Variants in MCF2L2 observed in about 807,000 individuals in gnomAD.
MCF2L2 encodes the protein MCF.2 cell line derived transforming sequence-like 2, also known as probable guanine nucleotide exchange factor MCF2L2.
Under a neutral mutation model 150.2 loss-of-function variants are expected in MCF2L2, and 102 were observed. The observed-to-expected ratio is 0.68, with a 90% CI of 0.58 to 0.80. The LOEUF (loss-of-function observed/expected upper bound fraction) is 0.80, where lower values mean the gene tolerates loss of function less well. MCF2L2 is among the 30% of genes least tolerant of loss of function. The pLI is 0.00. For synonymous variants in MCF2L2, 465 were observed against 491.3 expected (o/e 0.95, Z 0.71); for missense variants, 1,256 against 1,372.8 (o/e 0.91, Z 1.34).
At chr3:183,291,351 C>T (rs932009394) in intron 13 of MCF2L2, among the ~76,000 whole-genome samples, 1 of 152,212 alleles carries the variant, frequency 6.6e-6, no homozygotes, top group Non-Finnish European at 1.5e-5. Flanking sequence ...TTACCTTTTT[C>T]ATCTGTAAAG....
intron 13 of MCF2L2, 45 bp from the exon 14 acceptor site, chr3:183,289,265 T>C: frequency 1.5e-6 from 2 of 1,294,488 alleles, no homozygotes; most frequent in South Asian, 1.2e-5. Context: ...TTATAAACTA[T>C]AACTCAGTGC....
intron 15 of MCF2L2, among the ~76,000 whole-genome samples, chr3:183,252,024 T>C (rs567904602): frequency 1.3e-4 from 20 of 149,458 alleles, no homozygotes; most frequent in South Asian, 1.3e-3. Context: ...TGTGAATATG[T>C]GATTTGTATG....
chr3:183,277,256 G>A (rs755718520), intron 14 of MCF2L2, among the ~76,000 whole-genome samples: 1 of 150,636 alleles, frequency 6.6e-6, no homozygotes, highest in Non-Finnish European at 1.5e-5. Flanking sequence ...AGAATTGCTC[G>A]AACCTGGGAG....
Position 183,310,929 on chromosome 3 carries a change from G to A in MCF2L2, c.979C>T (p.His327Tyr). ...NQCLQLQHFE[H>Y]DFCKAKLALD... is the part of the protein sequence containing the mutation. ...GAAAAGAATACCTTACAAAAATCGT[G>A]CTCAAAATGCTGTAGTTGTAGGCAC... is the stretch of plus-strand genomic sequence containing the variant. Residue 327 changes from histidine to tyrosine, a missense_variant, in exon 9 of 30, where the codon CAC becomes TAC. Transcript: ENST00000328913. The A allele has an allele frequency of 6.2e-7, 1 of 1,612,086 alleles. No individual in the cohort carries two copies. The highest frequency in any genetic ancestry group is 1.1e-5 in the South Asian group (1 of 90,850).
intron 22 of MCF2L2, among the ~76,000 whole-genome samples, chr3:183,213,226 A>C (rs1377143227): frequency 1.3e-5 from 2 of 150,202 alleles, no homozygotes; most frequent in African/African-American, 4.9e-5. Flanking sequence ...ATTTAAATGC[A>C]TCTCTAATAT....
At chr3:183,380,818 T>C (rs545073580) in intron 2 of MCF2L2, among the ~76,000 whole-genome samples, 1 of 152,286 alleles carries the variant, frequency 6.6e-6, no homozygotes, top group Non-Finnish European at 1.5e-5. Flanking sequence ...AGTGTGCAAA[T>C]CAATGTGGAA....
intron 3 of MCF2L2, among the ~76,000 whole-genome samples, chr3:183,363,972 T>A (rs11923471): frequency 6.6e-6 from 1 of 151,924 alleles, no homozygotes; most frequent in Non-Finnish European, 1.5e-5. Flanking sequence ...TGCTTGAAAA[T>A]TTTAAAAATT....
chr3:183,248,306 T>G (rs6775548), intron 15 of MCF2L2, among the ~76,000 whole-genome samples: 17,920 of 152,136 alleles, frequency 0.12, 3,041 homozygotes, highest in African/African-American at 0.37. Flanking sequence ...CAGATCACAT[T>G]AATTTATCAT....
At position 183,223,452 on chromosome 3, in the gene MCF2L2, A is replaced by C; in HGVS notation, c.2209-14T>G. ...GCGCTGGCATACCTTTAAAAGCCAA[A>C]TAGAAACAACATAAAGCAAAACAAA... On this transcript the variant is annotated splice_polypyrimidine_tract_variant and intron_variant, in intron 19 of 29. Transcript: ENST00000328913. 1 of 1,592,014 alleles carries C rather than the reference A, an allele frequency of 6.3e-7. No homozygotes were observed. The highest frequency in any genetic ancestry group is 8.6e-7 in the Non-Finnish European group (1 of 1,159,890).
At chr3:183,381,694 C>T (rs1474398687) in intron 2 of MCF2L2, among the ~76,000 whole-genome samples, 1 of 152,140 alleles carries the variant, frequency 6.6e-6, no homozygotes, top group Admixed American at 6.6e-5. Context: ...CATCCCTCCA[C>T]AGAAGGTACC....
chr3:183,195,671 G>T (rs932408188), intron 25 of MCF2L2, among the ~76,000 whole-genome samples: 1 of 152,156 alleles, frequency 6.6e-6, no homozygotes, highest in African/African-American at 2.4e-5. Flanking sequence ...TTACTAAAGT[G>T]TTGTCCCAGG....
At chr3:183,338,487 T>C (rs1379913786) in intron 5 of MCF2L2, among the ~76,000 whole-genome samples, 1 of 151,182 alleles carries the variant, frequency 6.6e-6, no homozygotes. Context: ...AAGAAAACCT[T>C]CCCTGGATCC....
intron 3 of MCF2L2, among the ~76,000 whole-genome samples, chr3:183,348,659 T>C (rs1453119458): frequency 6.6e-6 from 1 of 152,088 alleles, no homozygotes. Flanking sequence ...GAGAGTTAGA[T>C]TGAAAGAAAA....
At chr3:183,360,167 C>G (rs955057369) in intron 3 of MCF2L2, among the ~76,000 whole-genome samples, 4 of 152,126 alleles carry the variant, frequency 2.6e-5, no homozygotes, top group African/African-American at 9.7e-5. Context: ...GCATTCACAA[C>G]AGAACAAGAA....
chr3:183,289,201 C>T lies in MCF2L2; in HGVS notation c.1695G>A (p.Leu565=). The stretch of plus-strand genomic sequence containing the variant: ...CCGTATAAGGTTCCTCAGACGTTCT[C>T]AGAGGACGAGCTAGAGGGACTAAGA... ...PSTSVPLARP[L]RTSEEPYTET... is the part of the protein sequence containing the mutation. Residue 565 remains leucine (L), a synonymous_variant, in exon 14 of 30, where the codon CTG becomes CTA. Coordinates refer to ENST00000328913, the MANE Select transcript of MCF2L2 (RefSeq NM_015078.4). 1 of 1,613,538 alleles carries T rather than the reference C, an allele frequency of 6.2e-7. No individual in the cohort carries two copies. Among genetic ancestry groups the T allele is most frequent in the South Asian group, 1.1e-5 (1 of 90,972 alleles).
At chr3:183,330,326 T>A (rs1212590800) in intron 5 of MCF2L2, among the ~76,000 whole-genome samples, 2 of 149,794 alleles carry the variant, frequency 1.3e-5, no homozygotes, top group African/African-American at 4.9e-5. Context: ...TTTTAAAAAG[T>A]ACAGTAAAAA....
chr3:183,189,783 AAGG>A (rs1324452718), intron 27 of MCF2L2, among the ~76,000 whole-genome samples: 1 of 152,210 alleles, frequency 6.6e-6, no homozygotes, highest in Non-Finnish European at 1.5e-5. Flanking sequence ...TTTGTAGTAC[AAGG>A]CGAAGTAGGC....
chr3:183,222,212 C>T (rs1002563707), intron 20 of MCF2L2, among the ~76,000 whole-genome samples: 9 of 152,086 alleles, frequency 5.9e-5, no homozygotes, highest in African/African-American at 2.2e-4. Flanking sequence ...GGGCAATGAG[C>T]TTAACCTTCC....
intron 25 of MCF2L2, among the ~76,000 whole-genome samples, chr3:183,203,969 C>T (rs1166990260): frequency 1.3e-5 from 2 of 152,112 alleles, no homozygotes; most frequent in African/African-American, 2.4e-5. Flanking sequence ...GAATTCTATA[C>T]CTAAAGCCAA....
Sources: gnomAD v4.1 joint callset for allele counts (sites outside exome capture counted in the v4.1 genomes callset) on GRCh38, gnomAD v4.1.1 for gene constraint, MANE v1.5 for transcripts, NCBI Gene and HGNC (gene_info 2026-07-23, HGNC 2026-07-21) for gene names.